The following FBXL7 variants were observed in gnomAD, a reference collection of about 807,000 sequenced individuals.
The protein encoded by FBXL7 is F-box/LRR-repeat protein 7.
Under a neutral mutation model 38.3 loss-of-function variants are expected in FBXL7, and 12 were observed. The observed-to-expected ratio is 0.31, with a 90% CI of 0.20 to 0.51. The LOEUF is 0.51. FBXL7 is among the 20% of genes least tolerant of loss of function. The pLI is 0.98. For missense variants in FBXL7, 567 were observed against 676.4 expected (o/e 0.84, Z 1.79); for synonymous variants, 297 against 300.9 (o/e 0.99, Z 0.13).
intron 2 of FBXL7, among the ~76,000 whole-genome samples, chr5:15,797,107 A>C (rs1456882964): frequency 6.6e-6 from 1 of 152,246 alleles, no homozygotes; most frequent in African/African-American, 2.4e-5. Flanking sequence ...GACATAGCTG[A>C]GTGACCATCT....
At chr5:15,900,095 A>G (rs1200737397) in intron 2 of FBXL7, among the ~76,000 whole-genome samples, 2 of 151,850 alleles carry the variant, frequency 1.3e-5, no homozygotes, top group Non-Finnish European at 2.9e-5. Flanking sequence ...GAATGGTCCT[A>G]CTTGGGACAG....
chr5:15,853,383 C>T (rs1739158752), intron 2 of FBXL7, among the ~76,000 whole-genome samples: 1 of 152,038 alleles, frequency 6.6e-6, no homozygotes, highest in Non-Finnish European at 1.5e-5. Context: ...AAAGGGGTTA[C>T]TAGTTGAATG....
intron 1 of FBXL7, chr5:15,501,704 T>C (rs1736490815): frequency 2.0e-6 from 2 of 985,322 alleles, no homozygotes; most frequent in East Asian, 2.3e-4. Flanking sequence ...GTTCGAAACT[T>C]TGAGCTGTGG....
intron 2 of FBXL7, among the ~76,000 whole-genome samples, chr5:15,825,625 T>C (rs1342029450): frequency 6.6e-6 from 1 of 152,224 alleles, no homozygotes; most frequent in Non-Finnish European, 1.5e-5. Flanking sequence ...TGTTGTAATA[T>C]ATAAAGCTAT....
chr5:15,779,386 A>C (rs1248510674), intron 2 of FBXL7, among the ~76,000 whole-genome samples: 1 of 152,208 alleles, frequency 6.6e-6, no homozygotes, highest in Non-Finnish European at 1.5e-5. Context: ...AGTAATGACT[A>C]TTCCAGTTAC....
At chr5:15,811,141 T>G (rs2126752991) in intron 2 of FBXL7, among the ~76,000 whole-genome samples, 1 of 152,298 alleles carries the variant, frequency 6.6e-6, no homozygotes, top group East Asian at 1.9e-4. Context: ...GGCATGGGCT[T>G]GATGTACTCC....
chr5:15,900,510 C>A (rs1741208972), intron 2 of FBXL7, among the ~76,000 whole-genome samples: 1 of 152,172 alleles, frequency 6.6e-6, no homozygotes, highest in Admixed American at 6.5e-5. Flanking sequence ...ACTTCCTTTG[C>A]ATAGATTTTT....
chr5:15,581,170 AT>A (rs1739127553), intron 1 of FBXL7, among the ~76,000 whole-genome samples: 1 of 152,204 alleles, frequency 6.6e-6, no homozygotes, highest in African/African-American at 2.4e-5. Context: ...TGAGTACCAC[AT>A]TAGGCATGTC....
At chr5:15,693,464 A>C (rs1245153222) in intron 2 of FBXL7, among the ~76,000 whole-genome samples, 1 of 152,176 alleles carries the variant, frequency 6.6e-6, no homozygotes, top group Non-Finnish European at 1.5e-5. Flanking sequence ...CCTGTGATAC[A>C]GGCGGTGGGC....
At chr5:15,818,694 C>A (rs1738083748) in intron 2 of FBXL7, among the ~76,000 whole-genome samples, 1 of 132,092 alleles carries the variant, frequency 7.6e-6, no homozygotes, top group African/African-American at 2.9e-5. Context: ...TCTGAATGTC[C>A]CATTATTTCG....
intron 1 of FBXL7, among the ~76,000 whole-genome samples, chr5:15,545,508 A>G (rs2058939163): frequency 6.6e-6 from 1 of 152,042 alleles, no homozygotes; most frequent in African/African-American, 2.4e-5. Context: ...TATTTTCTTC[A>G]ATTGAATGTC....
At chr5:15,815,483 G>A (rs929949518) in intron 2 of FBXL7, among the ~76,000 whole-genome samples, 5 of 152,236 alleles carry the variant, frequency 3.3e-5, no homozygotes, top group African/African-American at 9.6e-5. Context: ...GTGGGGGTTC[G>A]TGAATTAATC....
At chr5:15,890,954 A>G (rs926526798) in intron 2 of FBXL7, among the ~76,000 whole-genome samples, 3 of 105,520 alleles carry the variant, frequency 2.8e-5, no homozygotes, top group African/African-American at 8.4e-5. Flanking sequence ...TAATCTAGAT[A>G]ATTAGAAAAA....
rs1404836651 is a variant in FBXL7, at chr5:15,615,729, C to T, written c.38-254C>T. On this transcript the variant is annotated intron_variant, in intron 1 of 3. Coordinates refer to ENST00000504595, the MANE Select transcript of FBXL7 (RefSeq NM_012304.5). ...GAGATTATGTTATCATATTTGACTA[C>T]GTTTTATAATCTTGTCTGAGTTTAT... Among the ~76,000 whole-genome samples the T allele has an allele frequency of 3.3e-5, 5 of 152,100 alleles. No homozygotes were observed. In the East Asian group the frequency reaches 5.8e-4, roughly 18 times the overall value.
intron 2 of FBXL7, among the ~76,000 whole-genome samples, chr5:15,681,821 T>C (rs2126610818): frequency 6.6e-6 from 1 of 152,332 alleles, no homozygotes; most frequent in Non-Finnish European, 1.5e-5. Flanking sequence ...TGTTAGGAAA[T>C]AGGAATACGT....
chr5:15,812,334 G>A (rs974856920), intron 2 of FBXL7, among the ~76,000 whole-genome samples: 10 of 152,118 alleles, frequency 6.6e-5, no homozygotes, highest in Non-Finnish European at 1.0e-4. Flanking sequence ...ACTGGGGCCT[G>A]TGGGGAAATG....
intron 2 of FBXL7, among the ~76,000 whole-genome samples, chr5:15,744,984 C>A (rs765700924): frequency 6.6e-6 from 1 of 152,170 alleles, no homozygotes; most frequent in East Asian, 1.9e-4. Flanking sequence ...TACCTCCCAC[C>A]AGGTCTCTCA....
chr5:15,784,875 C>T (rs1737092733), intron 2 of FBXL7, among the ~76,000 whole-genome samples: 1 of 152,174 alleles, frequency 6.6e-6, no homozygotes, highest in Non-Finnish European at 1.5e-5. Flanking sequence ...AACAACCTAG[C>T]ACACACACGC....
chr5:15,616,069 G>C lies in FBXL7; in HGVS notation c.124G>C (p.Glu42Gln). 6.2e-7 allele frequency: 1 copy of C among 1,608,684 alleles called. No homozygotes were observed. The change falls in exon 2 of 4, where the codon GAA (glutamate) becomes CAA (glutamine). Residue 42 changes from glutamate (E) to glutamine (Q), a missense_variant. Glu to Gln is a conservative substitution (Grantham distance 29). Transcript: ENST00000504595. ...AGCCCAGAAGAATGTGGCTACCAGC[G>C]AAGGTAGGCAGCTGGTCTTCATTAT... ...TKAQKNVATS[E>Q]DSDLSMRTLS...
Sources: allele counts gnomAD v4.1 joint callset (sites outside exome capture counted in the v4.1 genomes callset), GRCh38; gene constraint gnomAD v4.1.1; transcripts MANE v1.5; gene names NCBI Gene and HGNC (gene_info 2026-07-23, HGNC 2026-07-21).